Variants in CELF2 observed in about 807,000 individuals in gnomAD.
CELF2 encodes CUGBP Elav-like family member 2.
CELF2 carries 8 observed loss-of-function variants against 62.6 expected under a neutral mutation model. That is an observed-to-expected ratio of 0.13 (90% CI 0.07 to 0.23). CELF2 has a LOEUF of 0.23. Among genes scored for constraint, CELF2 ranks in the 10% least tolerant of loss-of-function variants. The probability of loss-of-function intolerance (pLI) is 1.00; values close to 1 mark genes in which losing one functional copy is unlikely to be tolerated. For missense variants in CELF2, 333 were observed against 671.0 expected, an observed-to-expected ratio of 0.50 and a Z score of 5.56; for synonymous variants, 258 against 250.0, an observed-to-expected ratio of 1.03 and a Z score of -0.30.
chr10:10,874,246 A>T (rs10905854), intron 1 of CELF2, among the ~76,000 whole-genome samples: 45,353 of 152,022 alleles, frequency 0.3, 8,260 homozygotes, highest in East Asian at 0.73. Context: ...TGAGCCTAGG[A>T]GTTCAAGGTT....
At chr10:11,281,150 C>A (rs980096489) in intron 8 of CELF2, among the ~76,000 whole-genome samples, 2 of 152,174 alleles carry the variant, frequency 1.3e-5, no homozygotes, top group African/African-American at 4.8e-5. Context: ...TTTTCCACTA[C>A]CACTTGTATC....
chr10:10,471,844 C>A, the CELF2 span, among the ~76,000 whole-genome samples: 1 of 151,522 alleles, frequency 6.6e-6, no homozygotes, highest in Non-Finnish European at 1.5e-5. Context: ...TTTCATCTTC[C>A]TTTTTTGGAT....
At chr10:10,623,166 A>C in the CELF2 span, among the ~76,000 whole-genome samples, 2 of 149,518 alleles carry the variant, frequency 1.3e-5, no homozygotes, top group African/African-American at 2.5e-5. Flanking sequence ...CAGCCTGTGG[A>C]ATCTATGCCC....
the CELF2 span, among the ~76,000 whole-genome samples, chr10:10,765,826 G>C: frequency 6.6e-6 from 1 of 152,140 alleles, no homozygotes; most frequent in Non-Finnish European, 1.5e-5. Flanking sequence ...GCTGCAGTTG[G>C]TGCAATTTCC....
At position 10,928,978 on chromosome 10, in the gene CELF2, T is replaced by A. The variant is rs2065809016; in HGVS notation, c.89+8979T>A. ...TTGAATGGATTAATAAATGTTTAAA[T>A]CAATGAATAAATATTTGAATTGGGA... On this transcript the variant is annotated intron_variant, in intron 2 of 13. Coordinates refer to the CELF2 transcript ENST00000636488. This position sits in a 1 kb window ranked among gnomAD's most constrained non-coding sequence, Gnocchi z 4.8. Among the ~76,000 whole-genome samples the A allele has an allele frequency of 6.6e-6, 1 of 152,190 alleles. No homozygotes were observed. Among genetic ancestry groups the A allele is most frequent in the Non-Finnish European group, 1.5e-5 (1 of 68,036 alleles).
At chr10:10,816,248 A>G (rs10905832) in intron 1 of CELF2, among the ~76,000 whole-genome samples, 15,044 of 152,182 alleles carry the variant, frequency 0.099, 850 homozygotes, top group East Asian at 0.24. Context: ...TGTTTCATAA[A>G]TCCATTGATT....
chr10:10,697,496 A>G, the CELF2 span, among the ~76,000 whole-genome samples: 2 of 152,288 alleles, frequency 1.3e-5, no homozygotes, highest in African/African-American at 4.8e-5. Flanking sequence ...CTGCTCTAAC[A>G]AAATACGCTA....
At chr10:11,019,694 G>A (rs1268716727) in intron 1 of CELF2, among the ~76,000 whole-genome samples, 1 of 152,096 alleles carries the variant, frequency 6.6e-6, no homozygotes, top group Non-Finnish European at 1.5e-5. Context: ...ACACGATCAG[G>A]TTCATCTTTT....
chr10:11,228,523 G>C (rs2067378767), intron 3 of CELF2, among the ~76,000 whole-genome samples: 1 of 152,108 alleles, frequency 6.6e-6, no homozygotes, highest in Non-Finnish European at 1.5e-5. Flanking sequence ...TGATAAGAAA[G>C]AGACCTTTCA....
chr10:10,549,641 A>G, the CELF2 span, among the ~76,000 whole-genome samples: 1 of 151,956 alleles, frequency 6.6e-6, no homozygotes, highest in South Asian at 2.1e-4. Context: ...CCTTCTCCCT[A>G]TGTCTTGAAA....
At chr10:10,731,018 T>G in the CELF2 span, among the ~76,000 whole-genome samples, 1 of 152,196 alleles carries the variant, frequency 6.6e-6, no homozygotes, top group Non-Finnish European at 1.5e-5. Context: ...TACGAATATT[T>G]CCCAGGGAGC....
In CELF2 at chr10:11,319,228, A is replaced by G; in HGVS notation, c.1097-1961A>G. 2.5e-6 allele frequency: 1 copy of G among 398,364 alleles called. No individual in the cohort carries two copies. The highest frequency in any genetic ancestry group is 1.9e-5 in the South Asian group (1 of 52,358). The allele number at this position is 398,364 out of a possible 1,614,324, so 24.7% of individuals were successfully genotyped here. A position where few individuals can be genotyped will look rare whatever the true frequency, so the allele number is the denominator to read the frequency against. On this transcript the variant is annotated intron_variant, in intron 10 of 12. Coordinates refer to ENST00000633077, the MANE Select transcript of CELF2 (RefSeq NM_001326342.2). This position sits in a 1 kb window ranked among gnomAD's most constrained non-coding sequence, Gnocchi z 4.4. ...TTAACAGCCTGGCCAAAGTGAGACCAACAGAATTTATCAGCAGCGTCCAGC... is the reference window on the plus strand; with the variant it reads ...TTAACAGCCTGGCCAAAGTGAGACCGACAGAATTTATCAGCAGCGTCCAGC...
At position 11,237,763 on chromosome 10, in the gene CELF2, G is replaced by A. The variant is rs2136710877; in HGVS notation, c.355-11390G>A. 6.6e-6 allele frequency among the ~76,000 whole-genome samples: 1 copy of A among 150,432 alleles called. No individual in the cohort carries two copies. Among genetic ancestry groups the A allele is most frequent in the East Asian group, 2.0e-4 (1 of 5,106 alleles). On this transcript the variant is annotated intron_variant, in intron 3 of 12. Transcript: ENST00000633077. This position sits in a 1 kb window ranked among gnomAD's most constrained non-coding sequence, Gnocchi z 4.0. The stretch of plus-strand genomic sequence containing the variant: ...CACTGGGGAGGGCACCGAAGGCTGA[G>A]GGAGCACTGAGGCCCCAGGCAGCGT...
At chr10:11,108,222 C>T (rs1056177556) in intron 1 of CELF2, among the ~76,000 whole-genome samples, 12 of 149,976 alleles carry the variant, frequency 8.0e-5, no homozygotes, top group Admixed American at 4.7e-4. Context: ...CTGCTCATTC[C>T]CTTCACAGGT....
chr10:11,204,871 G>C (rs1402918945), intron 2 of CELF2, among the ~76,000 whole-genome samples: 1 of 152,164 alleles, frequency 6.6e-6, no homozygotes, highest in African/African-American at 2.4e-5. Context: ...TTCCTCTATT[G>C]TTGCTGAGAT....
At position 10,989,260 on chromosome 10, in the gene CELF2, G is replaced by C. The variant is rs554240476; in HGVS notation, c.89+69261G>C. The stretch of plus-strand genomic sequence containing the variant: ...TTTTTTGAATTGATTTGAATTTATT[G>C]TAAATCTCAGCTTGAAGTTCGCTTT... On this transcript the variant is annotated intron_variant, in intron 2 of 13. Coordinates refer to the CELF2 transcript ENST00000636488. 5.9e-5 allele frequency among the ~76,000 whole-genome samples: 9 copies of C among 152,222 alleles called. No homozygotes were observed. In the South Asian group the frequency reaches 1.9e-3, roughly 32 times the overall value.
chr10:11,271,824 G>A (rs1423265801), intron 7 of CELF2, among the ~76,000 whole-genome samples: 1 of 152,034 alleles, frequency 6.6e-6, no homozygotes, highest in Non-Finnish European at 1.5e-5. Flanking sequence ...TTACTTTGTA[G>A]CAGAAGTTGT....
At chr10:11,107,223 G>A (rs2053743883) in intron 1 of CELF2, among the ~76,000 whole-genome samples, 1 of 152,186 alleles carries the variant, frequency 6.6e-6, no homozygotes, top group African/African-American at 2.4e-5. Context: ...GAGCAGTGCT[G>A]GTTTTGGGAA....
chr10:10,988,261 A>T (rs973041589), intron 2 of CELF2, among the ~76,000 whole-genome samples: 1 of 148,652 alleles, frequency 6.7e-6, no homozygotes, highest in Non-Finnish European at 1.5e-5. Context: ...ACACACATAC[A>T]TATATATGTG....
Sources: gnomAD v4.1 joint callset for allele counts (sites outside exome capture counted in the v4.1 genomes callset) on GRCh38, gnomAD v4.1.1 for gene constraint, Gnocchi (gnomAD v3.1) non-coding constraint, MANE v1.5 for transcripts, NCBI Gene and HGNC (gene_info 2026-07-23, HGNC 2026-07-21) for gene names.